PLOD2: variants seen among roughly 807,000 people sequenced by gnomAD.
The protein encoded by PLOD2 is lysine hydroxylase 2.
In PLOD2, 65 loss-of-function variants were observed where a neutral mutation model predicts 101.0. The ratio of observed to expected loss-of-function variants is 0.64; its 90% CI spans 0.53 to 0.79. PLOD2 has a LOEUF of 0.79. Ranked by LOEUF, PLOD2 falls within the 30% of genes least tolerant of loss-of-function variation. The pLI, the probability that PLOD2 is intolerant of heterozygous loss-of-function variation, is 0.00. For missense variants in PLOD2, 909 were observed against 914.6 expected (o/e 0.99, Z 0.08); for synonymous variants, 314 against 302.9 (o/e 1.04, Z -0.38).
At position 146,096,883 on chromosome 3, in the gene PLOD2, G is replaced by A. The variant is rs1474477381; in HGVS notation, c.778-4982C>T. On this transcript the variant is annotated intron_variant, in intron 7 of 19. Coordinates refer to ENST00000282903, the MANE Select transcript of PLOD2 (RefSeq NM_182943.3). ...GCTGCCCCGTCCGGGAGGGAGGTGG[G>A]GGGGGGGAGTCGGCCAGCCGCCCCG... is the stretch of plus-strand genomic sequence containing the variant. 4.2e-5 allele frequency among the ~76,000 whole-genome samples: 2 copies of A among 48,074 alleles called. 1 individual carries two copies. The highest frequency in any genetic ancestry group is 2.3e-3 in the East Asian group (2 of 860). 31.5% of individuals were successfully genotyped at this position (48,074 alleles called of 152,430 possible).
At chr3:146,134,306 G>A (rs1199224695) in intron 1 of PLOD2, among the ~76,000 whole-genome samples, 5 of 152,096 alleles carry the variant, frequency 3.3e-5, no homozygotes, top group African/African-American at 1.2e-4. Flanking sequence ...AAAACAAAGA[G>A]TATAGGACCA....
intron 15 of PLOD2, 62 bp downstream of exon 15, chr3:146,076,720 C>G: frequency 3.6e-6 from 3 of 836,570 alleles, no homozygotes; most frequent in Admixed American, 4.0e-5. Flanking sequence ...TATTATTAAC[C>G]AACTGATTTA....
At chr3:146,129,694 G>A (rs1305321223) in intron 1 of PLOD2, among the ~76,000 whole-genome samples, 4 of 152,142 alleles carry the variant, frequency 2.6e-5, no homozygotes, top group Non-Finnish European at 5.9e-5. Context: ...AAAACTCAGC[G>A]AGTTATAACT....
intron 4 of PLOD2, among the ~76,000 whole-genome samples, chr3:146,107,887 G>A (rs112835989): frequency 0.037 from 5,621 of 151,760 alleles, 167 homozygotes; most frequent in Middle Eastern, 0.054. Context: ...CAGGTGATCT[G>A]CCCGCCTCAG....
chr3:146,125,297 A>C (rs1576614327), intron 1 of PLOD2, among the ~76,000 whole-genome samples: 2 of 152,334 alleles, frequency 1.3e-5, no homozygotes, highest in East Asian at 3.9e-4. Flanking sequence ...CAGATGAACC[A>C]ATGTATCTAT....
chr3:146,071,508 C>A, intron 17 of PLOD2, 85 bp from the exon 18 acceptor site: 2 of 1,213,464 alleles, frequency 1.6e-6, no homozygotes, highest in South Asian at 2.5e-5. Context: ...AACCACAGAT[C>A]ATAATAGACA....
intron 1 of PLOD2, among the ~76,000 whole-genome samples, chr3:146,125,257 T>C (rs1296554953): frequency 6.6e-6 from 1 of 152,158 alleles, no homozygotes. Context: ...ATGGCAATAA[T>C]GCATTATAGG....
At chr3:146,142,226 GTTTT>G (rs1210855178) in intron 1 of PLOD2, among the ~76,000 whole-genome samples, 1 of 152,068 alleles carries the variant, frequency 6.6e-6, no homozygotes, top group Non-Finnish European at 1.5e-5. Flanking sequence ...AAAGGAACTA[GTTTT>G]TTTATTCAGA....
At position 146,086,851 on chromosome 3, in the gene PLOD2, T is replaced by C; in HGVS notation, c.1063A>G (p.Lys355Glu). ...TCTGGTCCTACTATTTTTATAGTTTTGATTTCATGCTTAGCTTTATCAAAA... is the reference window on the plus strand; with the variant it reads ...TCTGGTCCTACTATTTTTATAGTTTCGATTTCATGCTTAGCTTTATCAAAA... ...VFFDKAKHEI[K>E]TIKIVGPEEN... Residue 355 changes from lysine (K) to glutamate (E), a missense_variant, in exon 10 of 20, where the codon AAA becomes GAA. Physicochemically the swap from Lys to Glu is moderately conservative, Grantham distance 56. Transcript: ENST00000282903. 1 of 1,537,758 alleles carries C rather than the reference T, an allele frequency of 6.5e-7. No individual in the cohort carries two copies. Among genetic ancestry groups the C allele is most frequent in the East Asian group, 2.3e-5 (1 of 43,678 alleles).
chr3:146,160,581 A>T (rs892632106), intron 1 of PLOD2, among the ~76,000 whole-genome samples: 2 of 152,142 alleles, frequency 1.3e-5, no homozygotes, highest in African/African-American at 4.8e-5. Flanking sequence ...GCTGCAGGAA[A>T]GGTGTTGGTG....
At chr3:146,150,670 C>T (rs992941630) in intron 1 of PLOD2, among the ~76,000 whole-genome samples, 3 of 152,050 alleles carry the variant, frequency 2.0e-5, no homozygotes, top group African/African-American at 7.3e-5. Context: ...ACAACAAACT[C>T]CCATTACATG....
At chr3:146,102,394 T>A (rs147188165) in intron 7 of PLOD2, among the ~76,000 whole-genome samples, 1 of 152,190 alleles carries the variant, frequency 6.6e-6, no homozygotes, top group African/African-American at 2.4e-5. Flanking sequence ...TGTTGTTAAC[T>A]TAGAAAACGG....
At chr3:146,106,703 ATGTTAATTTCAC>A in intron 4 of PLOD2, 59 bp from the exon 5 acceptor site, 1 of 856,408 alleles carries the variant, frequency 1.2e-6, no homozygotes, top group Non-Finnish European at 2.0e-6. Flanking sequence ...AACTGGTGTC[ATGTTAATTTCAC>A]TGACCAGTTG....
intron 3 of PLOD2, among the ~76,000 whole-genome samples, chr3:146,116,391 G>A (rs1394151891): frequency 6.6e-6 from 1 of 152,118 alleles, no homozygotes; most frequent in Non-Finnish European, 1.5e-5. Flanking sequence ...GGGAAAGGGA[G>A]TTAGTTGGCA....
At chr3:146,101,716 G>A (rs1051749518) in intron 7 of PLOD2, among the ~76,000 whole-genome samples, 4 of 152,200 alleles carry the variant, frequency 2.6e-5, no homozygotes, top group African/African-American at 9.6e-5. Flanking sequence ...TGAAGAGGAT[G>A]TTCTACCTTG....
rs745982341 is a variant in PLOD2 at position 146,160,851 on chromosome 3, C to T, written c.109+30G>A. Reference sequence around the variant, plus strand: ...CTGCCCCCCCGCCGGCCGAGCCTCGCGGGACAGCGGCGGACCGCGGGGTGC... The same window carrying T: ...CTGCCCCCCCGCCGGCCGAGCCTCGTGGGACAGCGGCGGACCGCGGGGTGC... On this transcript the variant is annotated intron_variant, in intron 1 of 19. Coordinates refer to ENST00000282903, the MANE Select transcript of PLOD2 (RefSeq NM_182943.3). The T allele has an allele frequency of 6.3e-6, 9 of 1,421,256 alleles. No individual in the cohort carries two copies. The South Asian group carries it at 1.1e-4, about 17-fold the overall frequency. The allele number at this position is 1,421,256 out of a possible 1,614,324, so 88.0% of individuals were successfully genotyped here. A position where few individuals can be genotyped will look rare whatever the true frequency, so the allele number is the denominator to read the frequency against.
intron 15 of PLOD2, chr3:146,076,533 C>T: frequency 3.7e-5 from 1 of 26,848 alleles, no homozygotes. Context: ...AACTGCTTTC[C>T]AAATTCATTC....
intron 7 of PLOD2, among the ~76,000 whole-genome samples, chr3:146,092,187 A>G (rs554012401): frequency 2.3e-4 from 35 of 152,144 alleles, no homozygotes; most frequent in African/African-American, 7.9e-4. Context: ...ATGATCAAAA[A>G]AGAAAAAGCA....
At chr3:146,157,738 G>A (rs935117644) in intron 1 of PLOD2, among the ~76,000 whole-genome samples, 16 of 152,160 alleles carry the variant, frequency 1.1e-4, no homozygotes, top group African/African-American at 3.9e-4. Context: ...CTGTTGTCAT[G>A]TGAAATAAAA....
Sources: allele counts gnomAD v4.1 joint callset (sites outside exome capture counted in the v4.1 genomes callset), GRCh38; gene constraint gnomAD v4.1.1; transcripts MANE v1.5; gene names NCBI Gene and HGNC (gene_info 2026-07-23, HGNC 2026-07-21).